GATAD2A: variants seen among roughly 807,000 people sequenced by gnomAD.
The protein encoded by GATAD2A is transcriptional repressor p66-alpha.
In GATAD2A, 12 loss-of-function variants were observed where a neutral mutation model predicts 68.5. The observed-to-expected ratio is 0.18, with a 90% confidence interval of 0.11 to 0.28. GATAD2A has a LOEUF of 0.28. Among genes scored for constraint, GATAD2A ranks in the 10% least tolerant of loss-of-function variants. GATAD2A has a pLI of 1.00. For missense variants in GATAD2A, 755 were observed against 868.5 expected (o/e 0.87, Z 1.64); for synonymous variants, 410 against 375.3 (o/e 1.09, Z -1.07).
At chr19:19,442,924 T>C (rs1394371512) in intron 1 of GATAD2A, among the ~76,000 whole-genome samples, 4 of 152,036 alleles carry the variant, frequency 2.6e-5, no homozygotes, top group African/African-American at 9.7e-5. Flanking sequence ...ATCTTCTCTG[T>C]GGGCTGCACA....
At chr19:19,460,943 G>A (rs4808958) in intron 1 of GATAD2A, among the ~76,000 whole-genome samples, 23,103 of 152,026 alleles carry the variant, frequency 0.15, 1,865 homozygotes, top group Middle Eastern at 0.27. Flanking sequence ...CCCAGCCCCC[G>A]TCCCTCTGTG....
At chr19:19,438,614 A>G (rs1461300783) in intron 1 of GATAD2A, among the ~76,000 whole-genome samples, 3 of 152,222 alleles carry the variant, frequency 2.0e-5, no homozygotes, top group Non-Finnish European at 2.9e-5. Flanking sequence ...TACTTGTTCA[A>G]TGAATAAATG....
intron 2 of GATAD2A, among the ~76,000 whole-genome samples, chr19:19,475,098 A>C (rs990205589): frequency 1.3e-5 from 2 of 152,194 alleles, no homozygotes. Context: ...CTTCACAGCG[A>C]TGTGCAGAGC....
At position 19,449,277 on chromosome 19, in the gene GATAD2A, G is replaced by T. The variant is rs530417800; in HGVS notation, c.-6-16063G>T. Among the ~76,000 whole-genome samples, 47 of 152,284 alleles carry T rather than the reference G, an allele frequency of 3.1e-4. 1 individual carries two copies. The highest frequency in any genetic ancestry group is 6.2e-4 in the South Asian group (3 of 4,834). On this transcript the variant is annotated intron_variant, in intron 1 of 11. Coordinates refer to ENST00000683918, the MANE Select transcript of GATAD2A (RefSeq NM_001384528.1). Reference sequence around the variant, plus strand: ...GACAACTTATGCCCAAAACAGCTTTGCTCTGCACAGGGTGCTGGAGTGAGA... The same window carrying T: ...GACAACTTATGCCCAAAACAGCTTTTCTCTGCACAGGGTGCTGGAGTGAGA...
At chr19:19,416,722 C>T in intron 1 of GATAD2A, among the ~76,000 whole-genome samples, 1 of 151,260 alleles carries the variant, frequency 6.6e-6, no homozygotes, top group South Asian at 2.1e-4. Context: ...TTTAGCCAGT[C>T]TTCTGAGTTT....
intron 1 of GATAD2A, among the ~76,000 whole-genome samples, chr19:19,438,505 C>T (rs1040542495): frequency 2.6e-5 from 4 of 152,216 alleles, no homozygotes; most frequent in Non-Finnish European, 4.4e-5. Context: ...TGTTTGAGGG[C>T]AGCAGGGCTG....
intron 1 of GATAD2A, among the ~76,000 whole-genome samples, chr19:19,406,454 G>C (rs1049850005): frequency 1.3e-5 from 2 of 149,192 alleles, no homozygotes; most frequent in African/African-American, 5.0e-5. Context: ...TGAACCCCGC[G>C]GCGGCGGCGG....
intron 8 of GATAD2A, among the ~76,000 whole-genome samples, chr19:19,499,565 AT>A (rs2148473052): frequency 6.6e-6 from 1 of 152,252 alleles, no homozygotes; most frequent in African/African-American, 2.4e-5. Context: ...GGAGGAGGGC[AT>A]GGGGGCCAGG....
intron 1 of GATAD2A, among the ~76,000 whole-genome samples, chr19:19,447,781 C>T (rs562680305): frequency 1.4e-4 from 22 of 152,352 alleles, no homozygotes; most frequent in Admixed American, 1.4e-3. Flanking sequence ...CAGCCCACAG[C>T]GTCACCACGT....
chr19:19,434,361 A>G (rs2054085508), intron 1 of GATAD2A, among the ~76,000 whole-genome samples: 1 of 152,078 alleles, frequency 6.6e-6, no homozygotes, highest in Non-Finnish European at 1.5e-5. Flanking sequence ...GAATGGGGCT[A>G]AAAAGAGCGG....
At position 19,501,278 on chromosome 19, in the gene GATAD2A, C is replaced by T; in HGVS notation, c.1365C>T (p.His455=). The T allele has an allele frequency of 1.9e-6, 3 of 1,613,340 alleles. No homozygotes were observed. Among genetic ancestry groups the T allele is most frequent in the Middle Eastern group, 1.6e-4 (1 of 6,062 alleles). ...TNQKKALKVE[H]TSRLKAAFVK... The stretch of plus-strand genomic sequence containing the variant: ...AGAAGAAGGCGCTCAAGGTGGAGCA[C>T]ACCAGCCGGCTGAAGGCCGCCTTTG... The change falls in exon 9 of 12, where the codon CAC becomes CAT. Residue 455 remains histidine, a synonymous_variant. Coordinates refer to ENST00000683918, the MANE Select transcript of GATAD2A (RefSeq NM_001384528.1).
intron 1 of GATAD2A, among the ~76,000 whole-genome samples, chr19:19,392,682 G>A (rs1294424748): frequency 6.7e-6 from 1 of 148,230 alleles, no homozygotes; most frequent in African/African-American, 2.5e-5. Context: ...GAGCCACTGC[G>A]TCCGGTCAAG....
intron 3 of GATAD2A, 50 bp downstream of exon 3, chr19:19,492,488 C>G (rs1414026805): frequency 1.2e-6 from 2 of 1,612,722 alleles, no homozygotes; most frequent in East Asian, 4.5e-5. Context: ...GCCCTTCCTA[C>G]TCATGACACC....
intron 1 of GATAD2A, chr19:19,464,921 C>T (rs933017176): frequency 1.8e-5 from 5 of 277,652 alleles, no homozygotes; most frequent in Admixed American, 4.8e-5. Context: ...GTGCAGTCAC[C>T]GCCCTCCTGG....
intron 1 of GATAD2A, among the ~76,000 whole-genome samples, chr19:19,460,761 C>T (rs1483322569): frequency 6.6e-6 from 1 of 152,224 alleles, no homozygotes; most frequent in Non-Finnish European, 1.5e-5. Context: ...TCCCCTTCCC[C>T]AGTGTAGCTG....
chr19:19,402,615 G>A (rs1028364353), upstream of GATAD2A: 5 of 149,854 alleles, frequency 3.3e-5, no homozygotes, highest in African/African-American at 1.2e-4. Context: ...CTTGAGCCTG[G>A]GAGGTGGAGG....
At position 19,469,441 on chromosome 19, in the gene GATAD2A, G is replaced by GA. The variant is rs1397273593; in HGVS notation, c.269+3834dup. Reference sequence around the variant, plus strand: ...AACGAGACTCCATCTCAAAAAAAAAGAAAAAAAGATCATCAGAATTAAAGT... The same window carrying GA: ...AACGAGACTCCATCTCAAAAAAAAAGAAAAAAAAGATCATCAGAATTAAAGT... On this transcript the variant is annotated intron_variant, in intron 2 of 11. Coordinates refer to ENST00000683918, the MANE Select transcript of GATAD2A (RefSeq NM_001384528.1). Among the ~76,000 whole-genome samples the GA allele has an allele frequency of 7.4e-3, 734 of 98,908 alleles. 6 individuals carry two copies. Among genetic ancestry groups the GA allele is most frequent in the South Asian group, 0.066 (184 of 2,800 alleles). The allele number at this position is 98,908 out of a possible 152,430, so 64.9% of individuals were successfully genotyped here.
chr19:19,452,241 C>T (rs1452554351), intron 1 of GATAD2A, among the ~76,000 whole-genome samples: 2 of 152,146 alleles, frequency 1.3e-5, no homozygotes, highest in Non-Finnish European at 2.9e-5. Flanking sequence ...GCCATGTGTT[C>T]CTTGTCCCCT....
intron 5 of GATAD2A, among the ~76,000 whole-genome samples, chr19:19,495,170 A>AT (rs1409540443): frequency 2.0e-5 from 3 of 151,418 alleles, no homozygotes; most frequent in African/African-American, 4.8e-5. Context: ...TAATTTTTCC[A>AT]TTTTTTGTAG....
Sources: allele counts gnomAD v4.1 joint callset (sites outside exome capture counted in the v4.1 genomes callset), GRCh38; gene constraint gnomAD v4.1.1; transcripts MANE v1.5; gene names NCBI Gene and HGNC (gene_info 2026-07-23, HGNC 2026-07-21).